Variants in ZFP14 observed in about 807,000 individuals in gnomAD.
ZFP14 encodes ZFP14 zinc finger protein.
In ZFP14, 22 loss-of-function variants were observed where a neutral mutation model predicts 54.5. That is an observed-to-expected ratio of 0.40 (90% CI 0.29 to 0.58). ZFP14 has a LOEUF of 0.58. Ranked by LOEUF, ZFP14 falls within the 20% of genes least tolerant of loss-of-function variation. The pLI is 0.39. For missense variants in ZFP14, 470 were observed against 637.8 expected (o/e 0.74, Z 2.83); for synonymous variants, 159 against 204.0 (o/e 0.78, Z 1.88).
chr19:36,357,409 T>C (rs2031633583), intron 4 of ZFP14, among the ~76,000 whole-genome samples: 1 of 152,206 alleles, frequency 6.6e-6, no homozygotes, highest in Admixed American at 6.5e-5. Context: ...AAGTCATAAG[T>C]TGGGACACTC....
intron 1 of ZFP14, among the ~76,000 whole-genome samples, chr19:36,377,513 T>G (rs1477129401): frequency 1.4e-5 from 2 of 146,940 alleles, no homozygotes; most frequent in African/African-American, 5.1e-5. Flanking sequence ...TTCACTGCAC[T>G]CCAGCCTGAG....
chr19:36,349,723 TTATC>T, intron 4 of ZFP14, among the ~76,000 whole-genome samples: 1 of 147,512 alleles, frequency 6.8e-6, no homozygotes, highest in South Asian at 2.1e-4. Flanking sequence ...ACTATGTATA[TTATC>T]TATAAATATT....
intron 2 of ZFP14, among the ~76,000 whole-genome samples, chr19:36,366,648 T>A (rs766295840): frequency 3.9e-5 from 6 of 152,034 alleles, no homozygotes; most frequent in Admixed American, 1.3e-4. Flanking sequence ...ATAAGCAAAA[T>A]TACATTATAG....
At chr19:36,348,527 C>T (rs1027959413) in intron 4 of ZFP14, among the ~76,000 whole-genome samples, 1 of 152,110 alleles carries the variant, frequency 6.6e-6, no homozygotes, top group Non-Finnish European at 1.5e-5. Context: ...GATGAAGTCT[C>T]ACTCTGTCAC....
At chr19:36,361,281 C>T (rs191584020) in intron 3 of ZFP14, among the ~76,000 whole-genome samples, 3 of 152,254 alleles carry the variant, frequency 2.0e-5, no homozygotes, top group Non-Finnish European at 4.4e-5. Flanking sequence ...ACTCTGTCAC[C>T]CAGGCTGGAG....
chr19:36,375,567 C>CTT (rs139409068), intron 1 of ZFP14, among the ~76,000 whole-genome samples: 2 of 117,678 alleles, frequency 1.7e-5, no homozygotes, highest in African/African-American at 3.3e-5. Flanking sequence ...TTTGTATTTT[C>CTT]TTTTTTTTTT....
intron 4 of ZFP14, among the ~76,000 whole-genome samples, chr19:36,344,581 AC>A (rs10706516): frequency 0.034 from 5,244 of 152,186 alleles, 286 homozygotes; most frequent in African/African-American, 0.12. Context: ...CCCCCAGGCC[AC>A]AGACCAGTCC....
intron 4 of ZFP14, among the ~76,000 whole-genome samples, chr19:36,351,502 A>G (rs2145547891): frequency 7.0e-6 from 1 of 142,086 alleles, no homozygotes; most frequent in South Asian, 2.2e-4. Flanking sequence ...GCATATCACA[A>G]AAAGAAAAAA....
At chr19:36,346,458 TCTCA>T (rs1373026031) in intron 4 of ZFP14, among the ~76,000 whole-genome samples, 2 of 151,120 alleles carry the variant, frequency 1.3e-5, no homozygotes, top group Non-Finnish European at 2.9e-5. Flanking sequence ...CCCATAGAGC[TCTCA>T]CTTTTTTTTT....
chr19:36,342,566 A>AACAT (rs2031340297), intron 4 of ZFP14, among the ~76,000 whole-genome samples: 1 of 87,714 alleles, frequency 1.1e-5, no homozygotes, highest in Non-Finnish European at 2.4e-5. Flanking sequence ...AAGACACCTC[A>AACAT]GCACTTCATG....
At chr19:36,376,653 T>C (rs1157540389) in intron 1 of ZFP14, among the ~76,000 whole-genome samples, 1 of 152,178 alleles carries the variant, frequency 6.6e-6, no homozygotes, top group Non-Finnish European at 1.5e-5. Flanking sequence ...ACAAATGTGG[T>C]AGGATACCAA....
chr19:36,371,727 G>A (rs1329311718), intron 1 of ZFP14, among the ~76,000 whole-genome samples: 1 of 152,040 alleles, frequency 6.6e-6, no homozygotes, highest in South Asian at 2.1e-4. Context: ...GGGAGGCCAA[G>A]GTGGGATTAC....
At chr19:36,344,041 T>C (rs1427265740) in intron 4 of ZFP14, among the ~76,000 whole-genome samples, 6 of 152,152 alleles carry the variant, frequency 3.9e-5, no homozygotes, top group African/African-American at 1.4e-4. Flanking sequence ...AGTTTCTTGT[T>C]GCCCAGGCTG....
intron 4 of ZFP14, among the ~76,000 whole-genome samples, chr19:36,343,996 A>G (rs548653378): frequency 1.3e-5 from 2 of 152,008 alleles, no homozygotes; most frequent in Non-Finnish European, 2.9e-5. Context: ...CTCTCTTAGC[A>G]CACTCTTTCT....
At chr19:36,376,501 T>C (rs545345273) in intron 1 of ZFP14, among the ~76,000 whole-genome samples, 1 of 151,156 alleles carries the variant, frequency 6.6e-6, no homozygotes, top group Non-Finnish European at 1.5e-5. Context: ...GCCAAGATCG[T>C]GCCACCGCAC....
chr19:36,366,411 C>T lies in ZFP14; in HGVS notation c.9+1473G>A, dbSNP rs375243499. ...TCGGTTCACTGTAACCTCCACCTCC[C>T]GAGCTCTAGTCATTCGCCCACCTCA... On this transcript the variant is annotated intron_variant, in intron 2 of 4. Coordinates refer to ENST00000270001, the MANE Select transcript of ZFP14 (RefSeq NM_020917.3). Among the ~76,000 whole-genome samples, 10 of 152,242 alleles carry T rather than the reference C, an allele frequency of 6.6e-5. No homozygotes were observed. In the South Asian group the frequency reaches 1.7e-3, roughly 25 times the overall value.
intron 1 of ZFP14, among the ~76,000 whole-genome samples, 171 bp from the exon 2 acceptor site, chr19:36,368,142 T>C (rs1445111743): frequency 1.3e-5 from 2 of 152,164 alleles, no homozygotes; most frequent in Non-Finnish European, 2.9e-5. Flanking sequence ...TATACCCACA[T>C]ATAACTGGGG....
intron 4 of ZFP14, among the ~76,000 whole-genome samples, chr19:36,349,267 AAAAC>A (rs2031481479): frequency 6.9e-6 from 1 of 145,742 alleles, no homozygotes; most frequent in Admixed American, 6.9e-5. Flanking sequence ...CAAAAAAAAA[AAAAC>A]AGGAAGAACA....
At chr19:36,342,357 G>A (rs2031336747) in intron 4 of ZFP14, among the ~76,000 whole-genome samples, 1 of 150,614 alleles carries the variant, frequency 6.6e-6, no homozygotes, top group African/African-American at 2.4e-5. Context: ...ATATTTTTGT[G>A]TGTATTTTTA....
Sources: allele counts gnomAD v4.1 joint callset (sites outside exome capture counted in the v4.1 genomes callset), GRCh38; gene constraint gnomAD v4.1.1; transcripts MANE v1.5; gene names NCBI Gene and HGNC (gene_info 2026-07-23, HGNC 2026-07-21).